COL4A2: variants seen among roughly 807,000 people sequenced by gnomAD.
COL4A2 encodes the protein collagen type IV alpha 2 chain, also known as collagen alpha-2(IV) chain.
COL4A2 carries 99 observed loss-of-function variants against 200.2 expected under a neutral mutation model. That is an observed-to-expected ratio of 0.49 (90% confidence interval 0.42 to 0.58). COL4A2 has a LOEUF of 0.58. COL4A2 is among the 20% of genes least tolerant of loss of function. The pLI is 0.00. For synonymous variants in COL4A2, 897 were observed against 900.6 expected (o/e 1.00, Z 0.07); for missense variants, 1,950 against 2,314.1 (o/e 0.84, Z 3.23).
At chr13:110,497,336 C>T (rs954831781) in intron 40 of COL4A2, among the ~76,000 whole-genome samples, 2 of 151,818 alleles carry the variant, frequency 1.3e-5, no homozygotes, top group Non-Finnish European at 2.9e-5. Context: ...TAGGTCAGTA[C>T]ACCAGCACAG....
intron 31 of COL4A2, 146 bp downstream of exon 31, chr13:110,480,536 A>G (rs918746941): frequency 6.2e-6 from 5 of 812,312 alleles, no homozygotes; most frequent in Non-Finnish European, 9.2e-6. Context: ...GACTCTCCTG[A>G]CCTAGGAGAC....
intron 20 of COL4A2, among the ~76,000 whole-genome samples, chr13:110,452,867 A>G (rs1881594875): frequency 6.6e-6 from 1 of 152,008 alleles, no homozygotes; most frequent in Admixed American, 6.6e-5. Context: ...GGATCAAGCG[A>G]TCTTCCCACC....
intron 4 of COL4A2, among the ~76,000 whole-genome samples, chr13:110,390,432 C>T (rs545284516): frequency 6.6e-6 from 1 of 152,366 alleles, no homozygotes; most frequent in Non-Finnish European, 1.5e-5. Context: ...CTCCACACAC[C>T]TTCTAGCCCA....
intron 28 of COL4A2, 26 bp downstream of exon 28, chr13:110,469,350 A>G (rs762435338): frequency 1.7e-5 from 27 of 1,554,650 alleles, no homozygotes; most frequent in Non-Finnish European, 2.3e-5. Flanking sequence ...ACCCCCATTC[A>G]GCCCCTGGGT....
In COL4A2 at chr13:110,512,020, C is replaced by A. The variant is rs148666408; in HGVS notation, c.4968C>A (p.Ile1656=). Residue 1656 remains isoleucine, a synonymous_variant, in exon 48 of 48, where the codon ATC becomes ATA. Coordinates refer to ENST00000360467, the MANE Select transcript of COL4A2 (RefSeq NM_001846.4). ...AGGACTTCCGCGCCACACCATTCAT[C>A]GAATGCAATGGAGGCCGCGGCACCT... ...CLEDFRATPF[I]ECNGGRGTCH... is the part of the protein sequence containing the mutation. 14 of 1,613,454 alleles carry A rather than the reference C, an allele frequency of 8.7e-6. No homozygotes were observed. The East Asian group carries it at 2.9e-4, about 33-fold the overall frequency.
chr13:110,488,576 C>T (rs955387864), intron 34 of COL4A2, among the ~76,000 whole-genome samples: 2 of 152,160 alleles, frequency 1.3e-5, no homozygotes, highest in Non-Finnish European at 2.9e-5. Context: ...GCGCACAGCC[C>T]CATATCTGTG....
intron 11 of COL4A2, among the ~76,000 whole-genome samples, chr13:110,433,398 C>A (rs1264763337): frequency 6.6e-6 from 1 of 152,166 alleles, no homozygotes; most frequent in Non-Finnish European, 1.5e-5. Flanking sequence ...CACCCCTGAC[C>A]AAGTCACTTC....
chr13:110,474,402 A>G (rs939732662), intron 29 of COL4A2, among the ~76,000 whole-genome samples: 22 of 152,198 alleles, frequency 1.4e-4, no homozygotes, highest in Non-Finnish European at 2.6e-4. Context: ...GATTCCTAGC[A>G]AGGCCTGGAA....
chr13:110,407,820 C>G (rs1436502292), intron 4 of COL4A2, among the ~76,000 whole-genome samples: 3 of 152,168 alleles, frequency 2.0e-5, no homozygotes, highest in African/African-American at 7.2e-5. Context: ...TCCCCCATTT[C>G]AGGTTCTGAA....
intron 4 of COL4A2, among the ~76,000 whole-genome samples, chr13:110,365,860 A>C (rs939777914): frequency 6.6e-6 from 1 of 152,224 alleles, no homozygotes; most frequent in Non-Finnish European, 1.5e-5. Flanking sequence ...GATGGAGGAC[A>C]TGAAAGAAAA....
rs982496799 is a variant in COL4A2, at chr13:110,435,526, A to G, written c.727-743A>G. 2.6e-5 allele frequency among the ~76,000 whole-genome samples: 4 copies of G among 152,226 alleles called. No individual in the cohort carries two copies. The East Asian group carries it at 7.7e-4, about 29-fold the overall frequency. On this transcript the variant is annotated intron_variant, in intron 12 of 47. Transcript: ENST00000360467. ...AGTGGACACTCAGCGTACACTATGG[A>G]GTATCACTTTCTGCAGCTGACCCAT... is the stretch of plus-strand genomic sequence containing the variant.
At chr13:110,468,963 C>T (rs1882356577) in intron 27 of COL4A2, among the ~76,000 whole-genome samples, 2 of 152,190 alleles carry the variant, frequency 1.3e-5, no homozygotes, top group Non-Finnish European at 2.9e-5. Flanking sequence ...GACCCCACCT[C>T]CAAAGCCCTC....
chr13:110,497,481 A>G (rs997970708), intron 40 of COL4A2, among the ~76,000 whole-genome samples: 8 of 148,732 alleles, frequency 5.4e-5, no homozygotes, highest in Non-Finnish European at 1.2e-4. Flanking sequence ...CACAACCTCC[A>G]CTCAGGACTG....
intron 3 of COL4A2, among the ~76,000 whole-genome samples, chr13:110,313,064 T>C (rs1194138137): frequency 6.6e-6 from 1 of 152,172 alleles, no homozygotes. Context: ...CTATCCAGCC[T>C]GCACCAGGAT....
chr13:110,313,016 G>C (rs1885028390), intron 3 of COL4A2, among the ~76,000 whole-genome samples: 1 of 152,172 alleles, frequency 6.6e-6, no homozygotes, highest in African/African-American at 2.4e-5. Context: ...TGATGCTGGG[G>C]ATGAGAAAGC....
intron 3 of COL4A2, among the ~76,000 whole-genome samples, chr13:110,345,422 C>T (rs187066917): frequency 2.0e-5 from 3 of 152,214 alleles, no homozygotes; most frequent in Non-Finnish European, 2.9e-5. Context: ...TCAGGAGAAG[C>T]GAAGCCTGCT....
At chr13:110,484,204 T>A (rs535552390) in intron 32 of COL4A2, among the ~76,000 whole-genome samples, 1 of 152,274 alleles carries the variant, frequency 6.6e-6, no homozygotes, top group South Asian at 2.1e-4. Flanking sequence ...GTCCCTCCAC[T>A]GGTGGGCACG....
Position 110,493,071 on chromosome 13 carries a change from AC to A in COL4A2, c.3563-139del. On this transcript the variant is annotated intron_variant, in intron 38 of 47. Transcript: ENST00000360467. ...CCCACAGGTGAAATAACGATGAGTG[AC>A]ACCCCCATGGGTGAAATAACGATGA... 3.2e-5 allele frequency: 27 copies of A among 857,046 alleles called. 1 individual carries two copies. Among genetic ancestry groups the A allele is most frequent in the South Asian group, 1.7e-4 (12 of 71,402 alleles). The allele number at this position is 857,046 out of a possible 1,614,324, so 53.1% of individuals were successfully genotyped here.
At chr13:110,360,801 G>A (rs899632231) in intron 4 of COL4A2, among the ~76,000 whole-genome samples, 17 of 150,448 alleles carry the variant, frequency 1.1e-4, no homozygotes, top group African/African-American at 4.2e-4. Flanking sequence ...CCCCCACCCC[G>A]GGGCCTGGAC....
Sources: allele counts gnomAD v4.1 joint callset (sites outside exome capture counted in the v4.1 genomes callset), GRCh38; gene constraint gnomAD v4.1.1; transcripts MANE v1.5; gene names NCBI Gene and HGNC (gene_info 2026-07-23, HGNC 2026-07-21).